HADHA: variants seen among roughly 807,000 people sequenced by gnomAD.
The protein encoded by HADHA is hydroxyacyl-CoA dehydrogenase trifunctional multienzyme complex subunit alpha.
HADHA carries 59 observed loss-of-function variants against 91.3 expected under a neutral mutation model. The observed-to-expected ratio is 0.65, with a 90% CI of 0.52 to 0.80. The LOEUF (loss-of-function observed/expected upper bound fraction) is 0.80. Among genes scored for constraint, HADHA ranks in the 30% least tolerant of loss-of-function variants. HADHA has a pLI of 0.00. For missense variants in HADHA, 800 were observed against 927.6 expected (o/e 0.86, Z 1.79); for synonymous variants, 320 against 338.9 (o/e 0.94, Z 0.61).
intron 18 of HADHA, 75 bp downstream of exon 18, chr2:26,192,235 T>C: frequency 1.3e-6 from 1 of 749,208 alleles, no homozygotes; most frequent in Admixed American, 2.1e-5. Context: ...AAAAAAAAAA[T>C]GGAAGAGGGG....
At chr2:26,232,104 C>T (rs1293880253) in intron 6 of HADHA, 56 bp downstream of exon 6, 4 of 1,340,588 alleles carry the variant, frequency 3.0e-6, no homozygotes, top group Non-Finnish European at 4.3e-6. Flanking sequence ...GCATTTTATA[C>T]AAGAAAACAG....
intron 7 of HADHA, 115 bp from the exon 8 acceptor site, chr2:26,215,290 G>A (rs762932770): frequency 4.4e-6 from 4 of 906,904 alleles, no homozygotes; most frequent in Admixed American, 3.4e-5. Context: ...ATTTCAGACT[G>A]GAGACTGGTA....
intron 12 of HADHA, among the ~76,000 whole-genome samples, chr2:26,201,799 T>A (rs896478118): frequency 5.7e-4 from 87 of 152,126 alleles, no homozygotes; most frequent in African/African-American, 1.3e-3. Flanking sequence ...TTTTTTTTTT[T>A]TTATTTATTT....
intron 6 of HADHA, among the ~76,000 whole-genome samples, chr2:26,231,834 T>A (rs1670630082): frequency 6.6e-6 from 1 of 152,162 alleles, no homozygotes; most frequent in African/African-American, 2.4e-5. Flanking sequence ...CTGGGTGCAG[T>A]GGTGCACGCC....
Position 26,214,394 on chromosome 2 carries a change from T to C in HADHA, c.918+49A>G, listed in dbSNP as rs367895367. ...AATGGCAATAAGGAGGAGTGATCTA[T>C]ATAAAGGAAGGAAATATGAGAAAAG... On this transcript the variant is annotated intron_variant, in intron 9 of 19. Transcript: ENST00000380649. This position sits in a 1 kb window ranked among gnomAD's most constrained non-coding sequence, Gnocchi z 4.1. The C allele has an allele frequency of 4.7e-5, 42 of 893,508 alleles. No homozygotes were observed. The highest frequency in any genetic ancestry group is 2.3e-4 in the African/African-American group (14 of 61,262). The allele number at this position is 893,508 out of a possible 1,614,324, so 55.3% of individuals were successfully genotyped here.
At chr2:26,202,813 A>C (rs1352425824) in intron 12 of HADHA, among the ~76,000 whole-genome samples, 1 of 152,258 alleles carries the variant, frequency 6.6e-6, no homozygotes, top group Non-Finnish European at 1.5e-5. Flanking sequence ...TCATGACAGC[A>C]GTCAGCAAAC....
rs1284578503 is a variant in HADHA, at chr2:26,197,767, T to C, written c.1403A>G (p.Asp468Gly). Residue 468 changes from aspartate (D) to glycine (G), a missense_variant, in exon 14 of 20, where the codon GAT (aspartate) becomes GGT (glycine). By Grantham distance (94) the Asp-to-Gly change is moderately conservative (BLOSUM62 -1). Transcript: ENST00000380649. ...TGTGTTACTGGCAAAGATACAGTGA[T>C]CTGGAATCACCTGCAGGGGAAAAGC... ...VLKEVEAVIP[D>G]HCIFASNTSA... is the part of the protein sequence containing the mutation. 2 of 1,504,000 alleles carry C rather than the reference T, an allele frequency of 1.3e-6. No individual in the cohort carries two copies. Among genetic ancestry groups the C allele is most frequent in the African/African-American group, 1.4e-5 (1 of 72,788 alleles). 93.2% of individuals were successfully genotyped at this position (1,504,000 alleles called of 1,614,324 possible). A position where few individuals can be genotyped will look rare whatever the true frequency, so the allele number is the denominator to read the frequency against.
At chr2:26,230,712 G>C (rs951020838) in intron 6 of HADHA, among the ~76,000 whole-genome samples, 2 of 152,022 alleles carry the variant, frequency 1.3e-5, no homozygotes, top group African/African-American at 4.8e-5. Context: ...CTGAGGTTAG[G>C]AGTTTGAGAC....
At chr2:26,231,486 T>C (rs1333951658) in intron 6 of HADHA, among the ~76,000 whole-genome samples, 2 of 152,158 alleles carry the variant, frequency 1.3e-5, no homozygotes. Context: ...AATCAGACAA[T>C]GAGGGAAAAG....
In HADHA at chr2:26,244,610, G is replaced by GGA; in HGVS notation, c.-16_-15dup. On this transcript the variant is annotated 5_prime_UTR_variant, in exon 1 of 20. Coordinates refer to ENST00000380649, the MANE Select transcript of HADHA (RefSeq NM_000182.5). ...GCAGGCCACCATCTTGAGCTGAAGA[G>GGA]GACAGCAGTGGAGAGCGCCTCTAAC... 1 of 1,569,316 alleles carries GGA rather than the reference G, an allele frequency of 6.4e-7. No homozygotes were observed. Among genetic ancestry groups the GGA allele is most frequent in the Non-Finnish European group, 8.6e-7 (1 of 1,156,590 alleles).
chr2:26,191,041 C>T lies in HADHA; in HGVS notation c.*209G>A. ...TTATACAATGAGCAGTGGGCTCTAC[C>T]TTCCAACAGGAAGTGCAAACTAATT... On this transcript the variant is annotated 3_prime_UTR_variant, in exon 20 of 20. Transcript: ENST00000380649. The T allele has an allele frequency of 1.6e-6, 1 of 639,618 alleles. No homozygotes were observed. Among genetic ancestry groups the T allele is most frequent in the South Asian group, 1.8e-5 (1 of 55,952 alleles). The allele number at this position is 639,618 out of a possible 1,614,324, so 39.6% of individuals were successfully genotyped here. A position where few individuals can be genotyped will look rare whatever the true frequency, so the allele number is the denominator to read the frequency against.
Position 26,244,435 on chromosome 2 carries a change from C to T in HADHA, c.67+95G>A, listed in dbSNP as rs1671022740. Reference sequence around the variant, plus strand: ...AGAGGGCTGCGTCTCCGGGCTGGGGCAGGCGGCAGCGAAAGGGAGACGCGG... The same window carrying T: ...AGAGGGCTGCGTCTCCGGGCTGGGGTAGGCGGCAGCGAAAGGGAGACGCGG... On this transcript the variant is annotated intron_variant, in intron 1 of 19. Transcript: ENST00000380649. The T allele has an allele frequency of 2.4e-6, 3 of 1,260,566 alleles. No individual in the cohort carries two copies. In the South Asian group the frequency reaches 3.8e-5, roughly 16 times the overall value. The allele number at this position is 1,260,566 out of a possible 1,614,324, so 78.1% of individuals were successfully genotyped here. A position where few individuals can be genotyped will look rare whatever the true frequency, so the allele number is the denominator to read the frequency against.
At chr2:26,202,792 G>A (rs891951665) in intron 12 of HADHA, among the ~76,000 whole-genome samples, 1 of 152,164 alleles carries the variant, frequency 6.6e-6, no homozygotes, top group African/African-American at 2.4e-5. Flanking sequence ...CAAAGCTTTT[G>A]TTTTTGACAA....
chr2:26,195,042 C>A (rs1558315360), intron 15 of HADHA, 50 bp downstream of exon 15: 1 of 1,450,508 alleles, frequency 6.9e-7, no homozygotes, highest in South Asian at 1.1e-5. Context: ...TAAAAGGAGT[C>A]TTATTAGAAC....
At chr2:26,204,717 C>T (rs1032964752) in intron 11 of HADHA, among the ~76,000 whole-genome samples, 6 of 151,960 alleles carry the variant, frequency 3.9e-5, no homozygotes, top group Non-Finnish European at 8.8e-5. Flanking sequence ...CTGAGTAGCT[C>T]GGACTAAAGG....
chr2:26,239,215 G>A (rs1186211470), intron 1 of HADHA, 72 bp from the exon 2 acceptor site: 16 of 1,000,196 alleles, frequency 1.6e-5, no homozygotes, highest in Admixed American at 3.4e-5. Context: ...TAACAAAGCT[G>A]TAATTTACAA....
intron 13 of HADHA, among the ~76,000 whole-genome samples, chr2:26,200,939 G>A (rs1011402924): frequency 6.6e-6 from 1 of 151,708 alleles, no homozygotes; most frequent in Non-Finnish European, 1.5e-5. Context: ...TCATCATATC[G>A]GCCAGTCTGG....
Position 26,215,095 on chromosome 2 carries a change from C to T in HADHA, c.757G>A (p.Asp253Asn). The change falls in exon 8 of 20, where the codon GAT (aspartate) becomes AAT (asparagine). Residue 253 changes from aspartate (D) to asparagine (N), a missense_variant. Transcript: ENST00000380649. The stretch of plus-strand genomic sequence containing the variant: ...TCTCTCTTTGGAGAGATCTTCTTAT[C>T]AGCTAGTCCTTTGGCAAAAGTAATT... Reference protein sequence around the residue: ...VAITFAKGLADKKISPKRDKG... With the variant: ...VAITFAKGLANKKISPKRDKG... 1 of 1,608,416 alleles carries T rather than the reference C, an allele frequency of 6.2e-7. No homozygotes were observed. Among genetic ancestry groups the T allele is most frequent in the Non-Finnish European group, 8.5e-7 (1 of 1,174,838 alleles).
At position 26,215,075 on chromosome 2, in the gene HADHA, C is replaced by T. The variant is rs142071869; in HGVS notation, c.777G>A (p.Lys259=). The T allele has an allele frequency of 1.2e-5, 19 of 1,610,710 alleles. No homozygotes were observed. Among genetic ancestry groups the T allele is most frequent in the Admixed American group, 5.0e-5 (3 of 60,026 alleles). The change falls in exon 8 of 20, where the codon AAG becomes AAA. Residue 259 remains lysine, a synonymous_variant. Coordinates refer to ENST00000380649, the MANE Select transcript of HADHA (RefSeq NM_000182.5). ...KGLADKKISP[K]RDKGLVEKLT... The stretch of plus-strand genomic sequence containing the variant: ...CACTTTCCACCAATCCCTTGTCTCT[C>T]TTTGGAGAGATCTTCTTATCAGCTA...
Sources: gnomAD v4.1 joint callset for allele counts (sites outside exome capture counted in the v4.1 genomes callset) on GRCh38, gnomAD v4.1.1 for gene constraint, Gnocchi (gnomAD v3.1) non-coding constraint, MANE v1.5 for transcripts, NCBI Gene and HGNC (gene_info 2026-07-23, HGNC 2026-07-21) for gene names.